Variants in RASAL3 observed in about 807,000 individuals in gnomAD.
RASAL3 encodes the protein RAS protein activator like-3.
A neutral mutation model predicts 105.5 loss-of-function variants in RASAL3; 74 were observed. The ratio of observed to expected loss-of-function variants is 0.70; its 90% CI spans 0.58 to 0.85. The LOEUF (loss-of-function observed/expected upper bound fraction) is 0.85, where lower values mean the gene tolerates loss of function less well. Ranked by LOEUF, RASAL3 falls within the 40% of genes least tolerant of loss-of-function variation. RASAL3 has a pLI of 0.00. For missense variants in RASAL3, 1,352 were observed against 1,392.0 expected, an observed-to-expected ratio of 0.97 and a Z score of 0.46; for synonymous variants, 579 against 591.6, an observed-to-expected ratio of 0.98 and a Z score of 0.31.
chr19:15,459,179 T>C (rs1373677215), intron 6 of RASAL3, among the ~76,000 whole-genome samples: 1 of 151,806 alleles, frequency 6.6e-6, no homozygotes, highest in Non-Finnish European at 1.5e-5. Context: ...TCCCAAGTGA[T>C]CCACCCGCCT....
chr19:15,451,977 A>G (rs1321850196), intron 17 of RASAL3, 39 bp from the exon 18 acceptor site: 1 of 1,613,068 alleles, frequency 6.2e-7, no homozygotes, highest in East Asian at 2.2e-5. Context: ...AAACCAGGAG[A>G]GGGCTGCACC....
intron 16 of RASAL3, chr19:15,452,431 G>T: frequency 1.7e-6 from 1 of 595,682 alleles, no homozygotes; most frequent in Non-Finnish European, 3.0e-6. Flanking sequence ...GGAGGGGTGG[G>T]GCCTGGATGA....
At position 15,457,638 on chromosome 19, in the gene RASAL3, G is replaced by A; in HGVS notation, c.1085C>T (p.Pro362Leu). Residue 362 changes from proline (P) to leucine (L), a missense_variant, in exon 9 of 18, where the codon CCG (proline) becomes CTG (leucine). Pro to Leu is a moderately conservative substitution (Grantham distance 98, BLOSUM62 -3). Transcript: ENST00000343625. The surrounding 1 kb of genome is among the most constrained non-coding windows in gnomAD (Gnocchi z 8.6). ...AERFHFEALPPARRLSLRLRG... is the reference protein window; with the variant it reads ...AERFHFEALPLARRLSLRLRG... Reference sequence around the variant, plus strand: ...CAGCCGCAGCGACAGGCGACGTGCCGGTGGCAGCGCCTCGAAGTGGAAGCG... The same window carrying A: ...CAGCCGCAGCGACAGGCGACGTGCCAGTGGCAGCGCCTCGAAGTGGAAGCG... 2 of 1,414,728 alleles carry A rather than the reference G, an allele frequency of 1.4e-6. No homozygotes were observed. The highest frequency in any genetic ancestry group is 1.8e-6 in the Non-Finnish European group (2 of 1,083,910). 87.6% of individuals were successfully genotyped at this position (1,414,728 alleles called of 1,614,324 possible).
At chr19:15,458,259 G>T in intron 8 of RASAL3, 69 bp downstream of exon 8, 1 of 1,463,188 alleles carries the variant, frequency 6.8e-7, no homozygotes, top group East Asian at 2.4e-5. Context: ...CTGGCTTTGG[G>T]TAGAGTGGAA....
At chr19:15,462,029 C>T (rs1970527139) in intron 2 of RASAL3, among the ~76,000 whole-genome samples, 1 of 151,956 alleles carries the variant, frequency 6.6e-6, no homozygotes, top group Admixed American at 6.6e-5. Context: ...TTCTCTTAAC[C>T]AAGACATTAT....
At chr19:15,463,212 A>AG (rs1316116538) in intron 2 of RASAL3, among the ~76,000 whole-genome samples, 1 of 151,262 alleles carries the variant, frequency 6.6e-6, no homozygotes, top group African/African-American at 2.4e-5. Flanking sequence ...CAGCCTCCTG[A>AG]GTAGCTGGGA....
In RASAL3 at chr19:15,454,211, G is replaced by T; in HGVS notation, c.2217C>A (p.Gly739=). 6.4e-7 allele frequency: 1 copy of T among 1,571,070 alleles called. No homozygotes were observed. Among genetic ancestry groups the T allele is most frequent in the South Asian group, 1.2e-5 (1 of 85,514 alleles). ...TTGGCACTGACACAAGCACAGGCTG[G>T]CCCTCCTCAATGGCTCGCAGGATGG... is the stretch of plus-strand genomic sequence containing the variant. The part of the protein sequence containing the change: ...LPTILRAIEE[G]QPVLVSVPMR... Residue 739 remains glycine, a synonymous_variant, in exon 14 of 18, where the codon GGC becomes GGA. Transcript: ENST00000343625.
Position 15,454,723 on chromosome 19 carries a change from G to A in RASAL3, c.1892C>T (p.Ala631Val), listed in dbSNP as rs991754391. ...SLFGLAPDHPAPGPARTLTLI... is the reference protein window; with the variant it reads ...SLFGLAPDHPVPGPARTLTLI... ...TGTGAGGGTGCGGGCTGGGCCGGGTGCTGGATGGTCTGGTGCCAAACCAAA... is the reference window on the plus strand; with the variant it reads ...TGTGAGGGTGCGGGCTGGGCCGGGTACTGGATGGTCTGGTGCCAAACCAAA... The change falls in exon 12 of 18, where the codon GCA becomes GTA. Residue 631 changes from alanine to valine, a missense_variant. Physicochemically the swap from Ala to Val is moderately conservative, Grantham distance 64 (BLOSUM62 0). Around this residue, in one of 3 missense-constraint regions of RASAL3, gnomAD observed 920 missense variants for 919.6 expected, o/e 1.00. Coordinates refer to ENST00000343625, the MANE Select transcript of RASAL3 (RefSeq NM_022904.3). 3 of 1,610,654 alleles carry A rather than the reference G, an allele frequency of 1.9e-6. No individual in the cohort carries two copies. The highest frequency in any genetic ancestry group is 2.5e-6 in the Non-Finnish European group (3 of 1,178,552).
intron 2 of RASAL3, among the ~76,000 whole-genome samples, chr19:15,462,769 A>G (rs976068707): frequency 6.6e-6 from 1 of 152,002 alleles, no homozygotes; most frequent in African/African-American, 2.4e-5. Flanking sequence ...TGGTTAACAC[A>G]GTGAAACCCT....
chr19:15,458,506 C>G, intron 7 of RASAL3, 23 bp downstream of exon 7: 1 of 1,613,646 alleles, frequency 6.2e-7, no homozygotes, highest in South Asian at 1.1e-5. Context: ...GAGGTGGAAT[C>G]GAGGTGGACT....
chr19:15,463,473 C>G lies in RASAL3; in HGVS notation c.328+558G>C, dbSNP rs994024987. Among the ~76,000 whole-genome samples, 66 of 152,170 alleles carry G rather than the reference C, an allele frequency of 4.3e-4. 1 individual carries two copies. Among genetic ancestry groups the G allele is most frequent in the Non-Finnish European group, 2.8e-4 (19 of 68,034 alleles). The stretch of plus-strand genomic sequence containing the variant: ...CCATGGGGCAGGGAGGGTCATCTGT[C>G]TCTTTCACTAGTGTGTCCTCAGTGC... On this transcript the variant is annotated intron_variant, in intron 2 of 17. Coordinates refer to ENST00000343625, the MANE Select transcript of RASAL3 (RefSeq NM_022904.3).
Position 15,457,921 on chromosome 19 carries a change from C to T in RASAL3, c.889-87G>A. On this transcript the variant is annotated intron_variant, in intron 8 of 17. Transcript: ENST00000343625. This position sits in a 1 kb window ranked among gnomAD's most constrained non-coding sequence, Gnocchi z 8.6. ...CGCAAGTGAAGCGTGGAGCCTCAAA[C>T]CTGTTGCGTCGGGTCCCTAGGGAGA... 3.4e-6 allele frequency: 5 copies of T among 1,450,668 alleles called. No individual in the cohort carries two copies. The highest frequency in any genetic ancestry group is 3.7e-6 in the Non-Finnish European group (4 of 1,068,902). 89.9% of individuals were successfully genotyped at this position (1,450,668 alleles called of 1,614,324 possible).
intron 16 of RASAL3, 22 bp from the exon 17 acceptor site, chr19:15,452,130 G>A (rs778407214): frequency 3.1e-6 from 5 of 1,613,480 alleles, no homozygotes; most frequent in Middle Eastern, 1.6e-4. Context: ...GGGGGATTGG[G>A]GCGAAGGGCA....
chr19:15,459,532 C>T (rs1461912354), intron 6 of RASAL3, among the ~76,000 whole-genome samples: 1 of 151,940 alleles, frequency 6.6e-6, no homozygotes. Flanking sequence ...GTGTGAGCCA[C>T]CGCACCCAGC....
In RASAL3 at chr19:15,458,436, T is replaced by C. The variant is rs565621179; in HGVS notation, c.790-10A>G. ...CACCCGTCCAGGTTACCTGTTGGGA[T>C]GGAGAATCCAACGGTGTGATCGAGG... On this transcript the variant is annotated splice_polypyrimidine_tract_variant and intron_variant, in intron 7 of 17. Coordinates refer to ENST00000343625, the MANE Select transcript of RASAL3 (RefSeq NM_022904.3). The C allele has an allele frequency of 1.9e-5, 30 of 1,613,612 alleles. No homozygotes were observed. In the African/African-American group the frequency reaches 3.9e-4, roughly 21 times the overall value.
Position 15,457,132 on chromosome 19 carries a change from C to T in RASAL3, c.1431+160G>A, listed in dbSNP as rs1200415318. Among the ~76,000 whole-genome samples, 1 of 152,120 alleles carries T rather than the reference C, an allele frequency of 6.6e-6. No homozygotes were observed. Among genetic ancestry groups the T allele is most frequent in the Non-Finnish European group, 1.5e-5 (1 of 67,994 alleles). ...CTAGGTGCCCCGCCCTTCTAGGTGC[C>T]CCGCCGCTTACAGGTGACACTTGGA... On this transcript the variant is annotated intron_variant, in intron 9 of 17. Coordinates refer to ENST00000343625, the MANE Select transcript of RASAL3 (RefSeq NM_022904.3). The surrounding 1 kb of genome is among the most constrained non-coding windows in gnomAD (Gnocchi z 8.6).
intron 15 of RASAL3, 43 bp from the exon 16 acceptor site, chr19:15,452,858 C>G: frequency 1.3e-6 from 2 of 1,493,070 alleles, no homozygotes; most frequent in Non-Finnish European, 1.8e-6. Flanking sequence ...TTGTCCCGCC[C>G]CTGTGTCTCC....
rs758992628 is a variant in RASAL3, at chr19:15,464,371, G to T, written c.-13C>A. 15 of 1,459,100 alleles carry T rather than the reference G, an allele frequency of 1.0e-5. 1 individual carries two copies. Among genetic ancestry groups the T allele is most frequent in the African/African-American group, 1.4e-5 (1 of 71,640 alleles). The allele number at this position is 1,459,100 out of a possible 1,614,324, so 90.4% of individuals were successfully genotyped here. On this transcript the variant is annotated 5_prime_UTR_variant, in exon 2 of 18. Coordinates refer to ENST00000343625, the MANE Select transcript of RASAL3 (RefSeq NM_022904.3). ...ACGGTGGGTCCATGGTTGGGGGGGG[G>T]GGTCTCCTGGGGGACGAGAGAGTGA...
At position 15,458,449 on chromosome 19, in the gene RASAL3, G is replaced by A. The variant is rs372364527; in HGVS notation, c.790-23C>T. The A allele has an allele frequency of 4.2e-4, 671 of 1,613,202 alleles. 1 individual carries two copies. Among genetic ancestry groups the A allele is most frequent in the Non-Finnish European group, 5.6e-4 (663 of 1,179,564 alleles). The stretch of plus-strand genomic sequence containing the variant: ...TACCTGTTGGGATGGAGAATCCAAC[G>A]GTGTGATCGAGGCCAAGGGTGAAGC... On this transcript the variant is annotated intron_variant, in intron 7 of 17. Transcript: ENST00000343625.
Sources: gnomAD v4.1 joint callset for allele counts (sites outside exome capture counted in the v4.1 genomes callset) on GRCh38, gnomAD v4.1.1 for gene constraint, gnomAD v4.1.1 regional missense constraint, Gnocchi (gnomAD v3.1) non-coding constraint, MANE v1.5 for transcripts, NCBI Gene and HGNC (gene_info 2026-07-23, HGNC 2026-07-21) for gene names.